Variants in RCAN2 observed in about 807,000 individuals in gnomAD.
The protein encoded by RCAN2 is regulator of calcineurin 2.
A neutral mutation model predicts 23.6 loss-of-function variants in RCAN2; 9 were observed. The ratio of observed to expected loss-of-function variants is 0.38; its 90% CI spans 0.23 to 0.67. The LOEUF (loss-of-function observed/expected upper bound fraction) is 0.67. Ranked by LOEUF, RCAN2 falls within the 30% of genes least tolerant of loss-of-function variation. The probability of loss-of-function intolerance (pLI) is 0.51; values close to 1 mark genes in which losing one functional copy is unlikely to be tolerated. For missense variants in RCAN2, 273 were observed against 302.3 expected, an observed-to-expected ratio of 0.90 and a Z score of 0.72; for synonymous variants, 109 against 115.7, an observed-to-expected ratio of 0.94 and a Z score of 0.37.
intron 2 of RCAN2, among the ~76,000 whole-genome samples, chr6:46,427,485 A>G (rs374888027): frequency 8.5e-5 from 13 of 152,346 alleles, no homozygotes; most frequent in Admixed American, 2.0e-4. Flanking sequence ...AAATCATGCC[A>G]GGAATATAGT....
intron 2 of RCAN2, among the ~76,000 whole-genome samples, chr6:46,303,717 T>C (rs1762982403): frequency 6.6e-6 from 1 of 152,140 alleles, no homozygotes; most frequent in African/African-American, 2.4e-5. Context: ...GTTTTGCCTG[T>C]TCCTAAATTT....
chr6:46,223,664 T>C (rs1765556469), intron 4 of RCAN2, among the ~76,000 whole-genome samples: 1 of 152,202 alleles, frequency 6.6e-6, no homozygotes, highest in African/African-American at 2.4e-5. Context: ...CTGCTAGTTT[T>C]TGAGCAACCT....
intron 2 of RCAN2, among the ~76,000 whole-genome samples, chr6:46,250,782 T>C (rs760680397): frequency 6.6e-6 from 1 of 152,158 alleles, no homozygotes; most frequent in Non-Finnish European, 1.5e-5. Context: ...ATCAACATAG[T>C]GAGGTGGGGT....
chr6:46,464,824 C>A (rs1768326206), intron 1 of RCAN2, among the ~76,000 whole-genome samples: 1 of 152,038 alleles, frequency 6.6e-6, no homozygotes, highest in South Asian at 2.1e-4. Flanking sequence ...CCTTCTGGAG[C>A]CACTGTTCCA....
intron 1 of RCAN2, among the ~76,000 whole-genome samples, chr6:46,459,054 C>A (rs1451874021): frequency 1.3e-5 from 2 of 152,138 alleles, no homozygotes; most frequent in Non-Finnish European, 1.5e-5. Flanking sequence ...CGTGCTACCA[C>A]GCCCGGTTAG....
chr6:46,454,247 G>C (rs932571431), intron 2 of RCAN2, among the ~76,000 whole-genome samples: 7 of 152,152 alleles, frequency 4.6e-5, no homozygotes, highest in African/African-American at 1.7e-4. Context: ...GATACTTAAT[G>C]TCTTAAAATA....
At chr6:46,455,237 T>A (rs1646383542) in intron 2 of RCAN2, among the ~76,000 whole-genome samples, 1 of 152,238 alleles carries the variant, frequency 6.6e-6, no homozygotes, top group Admixed American at 6.5e-5. Context: ...AATAGTCTGA[T>A]GATCATAGCA....
chr6:46,270,702 C>T (rs747305330), intron 2 of RCAN2, among the ~76,000 whole-genome samples: 1 of 152,154 alleles, frequency 6.6e-6, no homozygotes. Context: ...TGTGACTCCT[C>T]GTTTTATTCT....
chr6:46,478,967 G>C (rs1174091893), intron 1 of RCAN2, among the ~76,000 whole-genome samples: 1 of 152,190 alleles, frequency 6.6e-6, no homozygotes, highest in Non-Finnish European at 1.5e-5. Flanking sequence ...CAGGACAAAG[G>C]ACGACAAAGA....
chr6:46,227,763 T>A (rs1765725103), intron 4 of RCAN2, among the ~76,000 whole-genome samples: 1 of 152,096 alleles, frequency 6.6e-6, no homozygotes, highest in Non-Finnish European at 1.5e-5. Flanking sequence ...TTTTGAAGGG[T>A]TTTTTTGTGT....
At chr6:46,433,583 A>G (rs1767278332) in intron 2 of RCAN2, among the ~76,000 whole-genome samples, 1 of 152,152 alleles carries the variant, frequency 6.6e-6, no homozygotes, top group Admixed American at 6.6e-5. Flanking sequence ...TAAGATTTAC[A>G]GTGTTGGCTT....
chr6:46,430,789 A>G (rs1767174770), intron 2 of RCAN2, among the ~76,000 whole-genome samples: 1 of 152,228 alleles, frequency 6.6e-6, no homozygotes, highest in South Asian at 2.1e-4. Flanking sequence ...ATGTGTATCA[A>G]GAATACAAAA....
intron 2 of RCAN2, among the ~76,000 whole-genome samples, chr6:46,425,896 C>CTTTTTTTTTTTT (rs1049166361): frequency 2.4e-5 from 3 of 126,684 alleles, no homozygotes; most frequent in Admixed American, 8.0e-5. Flanking sequence ...TTCTTTCTTT[C>CTTTTTTTTTTTT]TTTTTTTTTT....
chr6:46,336,692 T>C (rs143131361), intron 2 of RCAN2, among the ~76,000 whole-genome samples: 1 of 152,316 alleles, frequency 6.6e-6, no homozygotes, highest in Non-Finnish European at 1.5e-5. Context: ...GTAAGGTATG[T>C]GAATCTATCA....
chr6:46,482,394 CTAAAGG>C (rs1768887028), intron 1 of RCAN2, among the ~76,000 whole-genome samples: 1 of 151,960 alleles, frequency 6.6e-6, no homozygotes, highest in Non-Finnish European at 1.5e-5. Context: ...TGAAAACAGG[CTAAAGG>C]TAAAGTCCCT....
chr6:46,264,168 G>T (rs908686331), intron 2 of RCAN2, among the ~76,000 whole-genome samples: 105 of 152,266 alleles, frequency 6.9e-4, no homozygotes, highest in African/African-American at 2.5e-3. Context: ...TTAAAATCGA[G>T]CTGTCAATAA....
Position 46,259,019 on chromosome 6 carries a change from A to G in RCAN2, c.226-10123T>C, listed in dbSNP as rs1453881702. 2.0e-5 allele frequency among the ~76,000 whole-genome samples: 3 copies of G among 152,088 alleles called. 1 individual carries two copies. The highest frequency in any genetic ancestry group is 7.2e-5 in the African/African-American group (3 of 41,434). The stretch of plus-strand genomic sequence containing the variant: ...TCTTTAAGCAAAATAATAGAAAACT[A>G]AGCACAGATATAAAAAATTAGCCTG... On this transcript the variant is annotated intron_variant, in intron 2 of 4. Coordinates refer to ENST00000371374, the MANE Select transcript of RCAN2 (RefSeq NM_001251974.2).
intron 2 of RCAN2, among the ~76,000 whole-genome samples, chr6:46,381,779 T>C (rs958280610): frequency 6.6e-6 from 1 of 152,174 alleles, no homozygotes; most frequent in Admixed American, 6.5e-5. Context: ...GGTGACAGCA[T>C]AGAGCTGTCC....
Position 46,456,982 on chromosome 6 carries a change from G to A in RCAN2, c.-2-4C>T, listed in dbSNP as rs1296301632. 6.5e-7 allele frequency: 1 copy of A among 1,543,588 alleles called. No individual in the cohort carries two copies. The highest frequency in any genetic ancestry group is 8.8e-7 in the Non-Finnish European group (1 of 1,140,858). On this transcript the variant is annotated splice_polypyrimidine_tract_variant and splice_region_variant and intron_variant, in intron 1 of 4. Transcript: ENST00000371374. ...AAGTATGATTCTCCCCTCATTCCTG[G>A]GGATACAAAGATGAGCATGTGTTAC...
Sources: gnomAD v4.1 joint callset for allele counts (sites outside exome capture counted in the v4.1 genomes callset) on GRCh38, gnomAD v4.1.1 for gene constraint, MANE v1.5 for transcripts, NCBI Gene and HGNC (gene_info 2026-07-23, HGNC 2026-07-21) for gene names.